ANOS1: variants seen among roughly 807,000 people sequenced by gnomAD.
The protein encoded by ANOS1 is anosmin-1.
In ANOS1, 6 loss-of-function variants were observed where a neutral mutation model predicts 59.0. The observed-to-expected ratio is 0.10, with a 90% CI of 0.06 to 0.20. The LOEUF is 0.20. Among genes scored for constraint, ANOS1 ranks in the 10% least tolerant of loss-of-function variants. The probability of loss-of-function intolerance (pLI) is 1.00; values close to 1 mark genes in which losing one functional copy is unlikely to be tolerated. For missense variants in ANOS1, 433 were observed against 542.3 expected, an observed-to-expected ratio of 0.80 and a Z score of 2.00; for synonymous variants, 217 against 223.4, an observed-to-expected ratio of 0.97 and a Z score of 0.25.
intron 3 of ANOS1, among the ~76,000 whole-genome samples, chrX:8,615,063 TTAC>T (rs1018156396): frequency 9.1e-6 from 1 of 110,251 alleles, no homozygotes; most frequent in African/African-American, 3.3e-5. Flanking sequence ...CATTTCCACT[TTAC>T]TACTACTACG....
intron 1 of ANOS1, among the ~76,000 whole-genome samples, chrX:8,729,293 G>A: frequency 9.2e-6 from 1 of 109,002 alleles, no homozygotes; most frequent in East Asian, 3.0e-4. Context: ...ATTTGCAGGA[G>A]TTGGGGGCGG....
At chrX:8,552,032 G>A (rs1199446042) in intron 9 of ANOS1, among the ~76,000 whole-genome samples, 4 of 112,378 alleles carry the variant, frequency 3.6e-5, no homozygotes, top group Non-Finnish European at 7.5e-5. Context: ...GCAGGACAGA[G>A]TAGCTAAAGA....
intron 8 of ANOS1, among the ~76,000 whole-genome samples, chrX:8,562,481 T>C (rs1269543038): frequency 9.4e-6 from 1 of 106,271 alleles, no homozygotes; most frequent in Admixed American, 1.0e-4. Flanking sequence ...GAATATCATA[T>C]CTACAATATT....
chrX:8,668,031 A>C (rs1045455366), intron 2 of ANOS1, among the ~76,000 whole-genome samples: 21 of 110,229 alleles, frequency 1.9e-4, no homozygotes, highest in Non-Finnish European at 3.6e-4. Context: ...AGGTATTTTT[A>C]AATTTTTTTT....
chrX:8,729,712 TAAAAAAAAAAAAAAA>T (rs1173021674), intron 1 of ANOS1, among the ~76,000 whole-genome samples: 2 of 63,070 alleles, frequency 3.2e-5, no homozygotes, highest in Admixed American at 2.1e-4. Flanking sequence ...TTCTAATTAT[TAAAAAAAAAAAAAAA>T]AAAAAAAAAA....
chrX:8,554,064 A>G lies in ANOS1; in HGVS notation c.1242T>C (p.Ile414=), dbSNP rs1447518311. Reference sequence around the variant, plus strand: ...GTCTTTGAAAAGGGAGTTGTGTTTGAATTCCACCTTTTCTAGTTTTCACAA... The same window carrying G: ...GTCTTTGAAAAGGGAGTTGTGTTTGGATTCCACCTTTTCTAGTTTTCACAA... The part of the protein sequence containing the change: ...EQLVKTRKGG[I]QTQLPFQRRR... The change falls in exon 9 of 14, where the codon ATT becomes ATC. Residue 414 remains isoleucine, a synonymous_variant. Transcript: ENST00000262648. 8.3e-7 allele frequency: 1 copy of G among 1,206,501 alleles called. No individual in the cohort carries two copies. Among genetic ancestry groups the G allele is most frequent in the African/African-American group, 1.7e-5 (1 of 57,697 alleles).
intron 2 of ANOS1, among the ~76,000 whole-genome samples, chrX:8,674,191 T>A (rs1275796008): frequency 8.9e-6 from 1 of 112,208 alleles, no homozygotes; most frequent in African/African-American, 3.2e-5. Context: ...CTTTCACTTT[T>A]ATGTGATAGA....
chrX:8,649,954 AT>A (rs1176019428), intron 2 of ANOS1, among the ~76,000 whole-genome samples: 1 of 112,267 alleles, frequency 8.9e-6, no homozygotes, highest in East Asian at 2.8e-4. Context: ...AAATTAACCT[AT>A]TTTCTTTTTG....
At chrX:8,686,967 A>T (rs917917264) in intron 2 of ANOS1, among the ~76,000 whole-genome samples, 3 of 111,382 alleles carry the variant, frequency 2.7e-5, no homozygotes, top group Non-Finnish European at 5.6e-5. Context: ...AAAAAATTAA[A>T]TAATTAATTA....
In ANOS1 at chrX:8,654,876, C is replaced by T. The variant is rs144937566; in HGVS notation, c.256-31206G>A. ...GAAAAAAAATAATATTTTGTAACAC[C>T]TGATAATTATATGAAAATCAAACAT... is the stretch of plus-strand genomic sequence containing the variant. On this transcript the variant is annotated intron_variant, in intron 2 of 13. Coordinates refer to ENST00000262648, the MANE Select transcript of ANOS1 (RefSeq NM_000216.4). Among the ~76,000 whole-genome samples the T allele has an allele frequency of 5.2e-3, 588 of 112,179 alleles. 5 individuals are homozygous for T. The highest frequency in any genetic ancestry group is 0.018 in the African/African-American group (549 of 30,887).
At chrX:8,545,269 AAAG>A (rs1221898607) in intron 9 of ANOS1, among the ~76,000 whole-genome samples, 8 of 101,258 alleles carry the variant, frequency 7.9e-5, no homozygotes, top group African/African-American at 2.5e-4. Flanking sequence ...AAAAAAAAAA[AAAG>A]AAAGAAAGAA....
intron 3 of ANOS1, among the ~76,000 whole-genome samples, chrX:8,613,467 C>G (rs1238474737): frequency 9.0e-6 from 1 of 110,814 alleles, no homozygotes; most frequent in African/African-American, 3.3e-5. Context: ...CTCAAGTGAT[C>G]CTCCCGTCTT....
intron 1 of ANOS1, among the ~76,000 whole-genome samples, chrX:8,703,592 C>T (rs1932767165): frequency 9.0e-6 from 1 of 111,238 alleles, no homozygotes; most frequent in Non-Finnish European, 1.9e-5. Flanking sequence ...AACAACACAA[C>T]AGGAAAAGCC....
At chrX:8,672,905 T>C (rs148863104) in intron 2 of ANOS1, among the ~76,000 whole-genome samples, 1,875 of 111,201 alleles carry the variant, frequency 0.017, 37 homozygotes, top group African/African-American at 0.059. Context: ...CCAGAGAAAA[T>C]AAAACCCAGG....
chrX:8,609,473 C>A (rs917682836), intron 3 of ANOS1, among the ~76,000 whole-genome samples: 15 of 111,674 alleles, frequency 1.3e-4, no homozygotes, highest in African/African-American at 4.9e-4. Context: ...TAAAACCCTG[C>A]CCCAAAGTGA....
chrX:8,594,687 T>TATACAC (rs1555895613), intron 4 of ANOS1, among the ~76,000 whole-genome samples: 3 of 42,425 alleles, frequency 7.1e-5, no homozygotes, highest in South Asian at 1.1e-3. Flanking sequence ...TATATATATA[T>TATACAC]ATATATATAT....
rs753896335 is a variant in ANOS1, at chrX:8,570,682, C to T, written c.879G>A (p.Pro293=). ...TGGAGTTGGCCAGCCGGAGGTTAGC[C>T]GGTGCTGGTGGGGCAGATGGATCTG... ...SSKDPSAPPA[P]ANLRLANSTV... is the part of the protein sequence containing the mutation. The change falls in exon 7 of 14, where the codon CCG becomes CCA. Residue 293 remains proline (P), a synonymous_variant. Coordinates refer to ENST00000262648, the MANE Select transcript of ANOS1 (RefSeq NM_000216.4). 5.8e-6 allele frequency: 7 copies of T among 1,211,030 alleles called. No homozygotes were observed. Among genetic ancestry groups the T allele is most frequent in the African/African-American group, 1.7e-5 (1 of 57,774 alleles).
chrX:8,686,783 C>A (rs777015486), intron 2 of ANOS1, among the ~76,000 whole-genome samples: 1 of 110,860 alleles, frequency 9.0e-6, no homozygotes, highest in Non-Finnish European at 1.9e-5. Flanking sequence ...GAAACCCCCA[C>A]TCTACTAAAA....
intron 1 of ANOS1, among the ~76,000 whole-genome samples, chrX:8,726,712 G>C (rs751139513): frequency 1.8e-5 from 2 of 112,344 alleles, no homozygotes; most frequent in Non-Finnish European, 3.8e-5. Flanking sequence ...AGCTACACCT[G>C]TGCCATCATG....
Sources: gnomAD v4.1 joint callset for allele counts (sites outside exome capture counted in the v4.1 genomes callset) on GRCh38, gnomAD v4.1.1 for gene constraint, MANE v1.5 for transcripts, NCBI Gene and HGNC (gene_info 2026-07-23, HGNC 2026-07-21) for gene names.